The following ASPH variants were observed in gnomAD, a reference collection of about 807,000 sequenced individuals.
ASPH encodes the protein aspartyl/asparaginyl beta-hydroxylase.
A neutral mutation model predicts 118.4 loss-of-function variants in ASPH; 100 were observed. The ratio of observed to expected loss-of-function variants is 0.84; its 90% CI spans 0.72 to 1.00. ASPH has a LOEUF of 1.00. Among genes scored for constraint, ASPH ranks in the 50% least tolerant of loss-of-function variants. The pLI is 0.00. For synonymous variants in ASPH, 315 were observed against 325.6 expected, an observed-to-expected ratio of 0.97 and a Z score of 0.35; for missense variants, 920 against 919.5, an observed-to-expected ratio of 1.00 and a Z score of -0.01.
At chr8:61,563,935 T>C (rs1297820520) in intron 17 of ASPH, among the ~76,000 whole-genome samples, 3 of 152,234 alleles carry the variant, frequency 2.0e-5, no homozygotes, top group Non-Finnish European at 2.9e-5. Flanking sequence ...TCATTTTCAC[T>C]AAAATCTTCT....
intron 4 of ASPH, 78 bp from the exon 5 acceptor site, chr8:61,651,202 G>C (rs1303786009): frequency 5.9e-6 from 7 of 1,185,856 alleles, no homozygotes; most frequent in Non-Finnish European, 8.7e-6. Flanking sequence ...ATATGACATT[G>C]GTACATACAC....
At chr8:61,674,458 C>T (rs1304222140) in intron 3 of ASPH, among the ~76,000 whole-genome samples, 3 of 152,168 alleles carry the variant, frequency 2.0e-5, no homozygotes, top group Non-Finnish European at 4.4e-5. Flanking sequence ...AACATATTTG[C>T]CCATTAGTGC....
intron 24 of ASPH, among the ~76,000 whole-genome samples, chr8:61,509,662 C>G (rs918874544): frequency 7.9e-5 from 12 of 152,176 alleles, no homozygotes; most frequent in African/African-American, 2.9e-4. Flanking sequence ...TCATTTTACC[C>G]AGCCCCTATT....
Position 61,684,022 on chromosome 8 carries a change from G to A in ASPH, c.253+17C>T. ...TTACTCTCTTACAAATTCACATAAG[G>A]ATATCAAAATTCTTACCTAGAACTT... On this transcript the variant is annotated intron_variant, in intron 2 of 24. Transcript: ENST00000379454. The A allele has an allele frequency of 1.9e-6, 3 of 1,610,496 alleles. No individual in the cohort carries two copies. Among genetic ancestry groups the A allele is most frequent in the South Asian group, 1.1e-5 (1 of 90,890 alleles).
At chr8:61,584,655 T>C (rs142438063) in intron 14 of ASPH, among the ~76,000 whole-genome samples, 3 of 129,790 alleles carry the variant, frequency 2.3e-5, no homozygotes, top group Admixed American at 7.6e-5. Context: ...TTCTTTCTTT[T>C]TCTTTCTTTC....
chr8:61,506,284 C>T (rs10106575), intron 24 of ASPH, among the ~76,000 whole-genome samples: 42,006 of 151,916 alleles, frequency 0.28, 7,986 homozygotes, highest in African/African-American at 0.52. Context: ...GTTAAATTCA[C>T]AGAGAGAGAA....
intron 4 of ASPH, chr8:61,651,381 C>T (rs1166418258): frequency 9.2e-6 from 3 of 327,332 alleles, no homozygotes; most frequent in Non-Finnish European, 1.6e-5. Flanking sequence ...AACTCAGGCT[C>T]AGATTTGTAT....
intron 3 of ASPH, chr8:61,676,042 C>A: frequency 1.3e-6 from 2 of 1,597,088 alleles, no homozygotes; most frequent in South Asian, 2.2e-5. Context: ...TTCAGGTGTT[C>A]ATTAGCCAAT....
At chr8:61,664,569 T>A in intron 3 of ASPH, 1 of 984,020 alleles carries the variant, frequency 1.0e-6, no homozygotes, top group South Asian at 4.7e-5. Flanking sequence ...TGTAGGGAGG[T>A]CAGGAGTGAG....
At chr8:61,649,478 CA>C (rs1167796561) in intron 5 of ASPH, among the ~76,000 whole-genome samples, 2 of 152,002 alleles carry the variant, frequency 1.3e-5, no homozygotes. Flanking sequence ...TTTAGATGAG[CA>C]ATGAGGGCTG....
intron 13 of ASPH, among the ~76,000 whole-genome samples, chr8:61,621,915 T>C (rs1287339532): frequency 6.6e-6 from 1 of 152,252 alleles, no homozygotes; most frequent in Non-Finnish European, 1.5e-5. Context: ...CACTACTCTT[T>C]ACCTGTCTTA....
chr8:61,549,940 G>A (rs995951452), intron 20 of ASPH, among the ~76,000 whole-genome samples: 3 of 152,118 alleles, frequency 2.0e-5, no homozygotes, highest in Admixed American at 6.5e-5. Context: ...CCCTCGACAT[G>A]CTAGATGTCT....
intron 1 of ASPH, among the ~76,000 whole-genome samples, chr8:61,713,065 C>A (rs1838438351): frequency 6.6e-6 from 1 of 152,216 alleles, no homozygotes; most frequent in Non-Finnish European, 1.5e-5. Context: ...AAAAGGAACA[C>A]AAACTTTCAC....
At chr8:61,556,138 A>AT in intron 18 of ASPH, 116 bp from the exon 19 acceptor site, 1 of 821,574 alleles carries the variant, frequency 1.2e-6, no homozygotes, top group Non-Finnish European at 1.9e-6. Context: ...CTTGGATTGG[A>AT]TTATGATGTT....
chr8:61,634,906 T>A (rs927286745), intron 12 of ASPH, among the ~76,000 whole-genome samples: 1 of 152,210 alleles, frequency 6.6e-6, no homozygotes, highest in Non-Finnish European at 1.5e-5. Context: ...CTAAATTTAT[T>A]ACAAAAAATA....
chr8:61,633,658 A>C (rs1311457175), intron 13 of ASPH, 25 bp downstream of exon 13: 1 of 1,580,490 alleles, frequency 6.3e-7, no homozygotes, highest in Admixed American at 1.8e-5. Flanking sequence ...CAAAAGAGGA[A>C]AATACAACAT....
chr8:61,628,738 C>T lies in ASPH; in HGVS notation c.934+4945G>A, dbSNP rs181528334. 1.6e-3 allele frequency among the ~76,000 whole-genome samples: 247 copies of T among 152,254 alleles called. 1 individual carries two copies. The highest frequency in any genetic ancestry group is 5.4e-3 in the African/African-American group (224 of 41,562). Reference sequence around the variant, plus strand: ...GAGTTATCTCTCCTTCTGTGTGTTGCTGTGCACAGCTCTGAGAAATTAATT... The same window carrying T: ...GAGTTATCTCTCCTTCTGTGTGTTGTTGTGCACAGCTCTGAGAAATTAATT... On this transcript the variant is annotated intron_variant, in intron 13 of 24. Coordinates refer to ENST00000379454, the MANE Select transcript of ASPH (RefSeq NM_004318.4).
chr8:61,642,899 T>C lies in ASPH; in HGVS notation c.779A>G (p.Tyr260Cys), dbSNP rs2150970877. Reference sequence around the variant, plus strand: ...AAGCATTTGCAAACCTTGTTCCTCATAGACTTGGTATGTTACATCATCTGA... The same window carrying C: ...AAGCATTTGCAAACCTTGTTCCTCACAGACTTGGTATGTTACATCATCTGA... ...HDTDDVTYQV[Y>C]EEQAVYEPLE... Residue 260 changes from tyrosine (Y) to cysteine (C), a missense_variant, in exon 10 of 25, where the codon TAT becomes TGT. By Grantham distance (194) the Tyr-to-Cys change is radical. Transcript: ENST00000379454. 2.6e-6 allele frequency: 4 copies of C among 1,532,754 alleles called. No homozygotes were observed. The highest frequency in any genetic ancestry group is 2.4e-5 in the East Asian group (1 of 42,282). 94.9% of individuals were successfully genotyped at this position (1,532,754 alleles called of 1,614,324 possible).
Position 61,600,344 on chromosome 8 carries a change from GCTCTTGT to G in ASPH, c.977-16322_977-16316del, listed in dbSNP as rs1376742767. The stretch of plus-strand genomic sequence containing the variant: ...TAAGAAAAAGGTGTTTACTTTCACT[GCTCTTGT>G]TTAACATAGTATTGGAGGTCCAAGC... On this transcript the variant is annotated intron_variant, in intron 14 of 24. Coordinates refer to ENST00000379454, the MANE Select transcript of ASPH (RefSeq NM_004318.4). 4.0e-3 allele frequency among the ~76,000 whole-genome samples: 593 copies of G among 149,416 alleles called. 7 individuals are homozygous for G. The highest frequency in any genetic ancestry group is 0.014 in the African/African-American group (547 of 38,914).
Sources: allele counts gnomAD v4.1 joint callset (sites outside exome capture counted in the v4.1 genomes callset), GRCh38; gene constraint gnomAD v4.1.1; transcripts MANE v1.5; gene names NCBI Gene and HGNC (gene_info 2026-07-23, HGNC 2026-07-21).